Variants in KIF1A observed in about 807,000 individuals in gnomAD.
The protein encoded by KIF1A is kinesin family member 1A, also known as kinesin-like protein KIF1A.
Under a neutral mutation model 227.3 loss-of-function variants are expected in KIF1A, and 46 were observed. The observed-to-expected ratio is 0.20, with a 90% CI of 0.16 to 0.26. The LOEUF is 0.26. KIF1A is among the 10% of genes least tolerant of loss of function. The pLI is 1.00. For missense variants in KIF1A, 1,683 were observed against 2,485.9 expected (o/e 0.68, Z 6.87); for synonymous variants, 1,022 against 1,012.8 (o/e 1.01, Z -0.17).
intron 27 of KIF1A, among the ~76,000 whole-genome samples, chr2:240,755,235 C>T (rs2049702428): frequency 6.6e-6 from 1 of 152,240 alleles, no homozygotes; most frequent in South Asian, 2.1e-4. Context: ...GTGCAGAACA[C>T]AGGAGGCCAG....
rs1039182119 is a variant in KIF1A, at chr2:240,736,585, C to T, written c.4007+478G>A. On this transcript the variant is annotated intron_variant, in intron 38 of 48. Transcript: ENST00000498729. This position sits in a 1 kb window ranked among gnomAD's most constrained non-coding sequence, Gnocchi z 4.7. ...ACCGCCCAGACTGTGGGGTCTTGGC[C>T]GTGCAAGGAGTGTAGGAAGGAGCAG... Among the ~76,000 whole-genome samples, 10 of 152,274 alleles carry T rather than the reference C, an allele frequency of 6.6e-5. No individual in the cohort carries two copies. Among genetic ancestry groups the T allele is most frequent in the African/African-American group, 1.2e-4 (5 of 41,572 alleles).
In KIF1A at chr2:240,758,993, C is replaced by A. The variant is rs2050186127; in HGVS notation, c.2445-496G>T. 6.6e-6 allele frequency among the ~76,000 whole-genome samples: 1 copy of A among 152,146 alleles called. No individual in the cohort carries two copies. Among genetic ancestry groups the A allele is most frequent in the Non-Finnish European group, 1.5e-5 (1 of 68,026 alleles). On this transcript the variant is annotated intron_variant, in intron 25 of 48. Coordinates refer to ENST00000498729, the MANE Select transcript of KIF1A (RefSeq NM_001244008.2). This position sits in a 1 kb window ranked among gnomAD's most constrained non-coding sequence, Gnocchi z 5.2. ...GGACAAAGGAAAAGCAATCATTGTGCCCCTAGATCTCAGGTATAAGAGAAA... is the reference window on the plus strand; with the variant it reads ...GGACAAAGGAAAAGCAATCATTGTGACCCTAGATCTCAGGTATAAGAGAAA...
At chr2:240,774,336 C>A (rs991417751) in intron 11 of KIF1A, 75 bp from the exon 12 acceptor site, 11 of 984,416 alleles carry the variant, frequency 1.1e-5, no homozygotes, top group African/African-American at 1.6e-5. Flanking sequence ...CCCTTCCCCC[C>A]ACATTTACAG....
intron 38 of KIF1A, among the ~76,000 whole-genome samples, chr2:240,728,727 T>C (rs1305024620): frequency 1.3e-5 from 2 of 152,294 alleles, no homozygotes; most frequent in Non-Finnish European, 2.9e-5. Flanking sequence ...TCCTGGAACA[T>C]TGCAGGATCC....
chr2:240,760,211 G>A (rs535015593), intron 25 of KIF1A, among the ~76,000 whole-genome samples: 98 of 152,224 alleles, frequency 6.4e-4, no homozygotes, highest in African/African-American at 2.0e-3. Context: ...TCCACCTCCC[G>A]GCAGCTTCCT....
At position 240,767,310 on chromosome 2, in the gene KIF1A, C is replaced by G. The variant is rs569314062; in HGVS notation, c.1533G>C (p.Leu511=). ...TGTAGTAGAGCAGGCACTCAGACAT[C>G]AGCGGGTCCTCGTTCAGGTTGACGA... ...PHLVNLNEDP[L]MSECLLYYIK... The change falls in exon 18 of 49, where the codon CTG becomes CTC. Residue 511 remains leucine (L), a synonymous_variant. Coordinates refer to ENST00000498729, the MANE Select transcript of KIF1A (RefSeq NM_001244008.2). 40 of 1,613,820 alleles carry G rather than the reference C, an allele frequency of 2.5e-5. 1 individual carries two copies. In the South Asian group the frequency reaches 3.0e-4, roughly 12 times the overall value.
At chr2:240,749,673 T>C (rs759709960) in intron 28 of KIF1A, among the ~76,000 whole-genome samples, 5 of 152,006 alleles carry the variant, frequency 3.3e-5, no homozygotes, top group South Asian at 2.1e-4. Context: ...TCAAGTACCC[T>C]TCAACATTCC....
At chr2:240,769,600 C>G (rs1559512786) in intron 16 of KIF1A, 27 bp downstream of exon 16, 4 of 1,601,108 alleles carry the variant, frequency 2.5e-6, no homozygotes, top group Admixed American at 1.7e-5. Context: ...ACCCCTCCCC[C>G]TGGGCCTCAG....
intron 10 of KIF1A, chr2:240,782,083 C>T: frequency 2.0e-6 from 2 of 985,402 alleles, no homozygotes; most frequent in Non-Finnish European, 2.4e-6. Flanking sequence ...TTCACGGCTG[C>T]CCACGCGGTT....
rs2126091844 is a variant in KIF1A, at chr2:240,788,123, C to T, written c.291G>A (p.Gly97=). ...EGYNVCIFAY[G]QTGAGKSYTM... ...TGTAGGACTTGCCGGCACCCGTCTG[C>T]CCATAGGCGAAGATGCACACGTTGT... is the stretch of plus-strand genomic sequence containing the variant. The change falls in exon 4 of 49, where the codon GGG becomes GGA. Residue 97 remains glycine (G), a synonymous_variant. Coordinates refer to ENST00000498729, the MANE Select transcript of KIF1A (RefSeq NM_001244008.2). The surrounding 1 kb of genome is among the most constrained non-coding windows in gnomAD (Gnocchi z 6.6). The T allele has an allele frequency of 6.2e-6, 10 of 1,610,712 alleles. No individual in the cohort carries two copies. Among genetic ancestry groups the T allele is most frequent in the Non-Finnish European group, 8.5e-6 (10 of 1,178,622 alleles).
In KIF1A at chr2:240,763,110, G is replaced by A; in HGVS notation, c.1950-19C>T. ...CTGGAGCCTGCAAGGGGGCATTGGG[G>A]TGAGCACGGGAGGGCAGGAGGGGCA... On this transcript the variant is annotated intron_variant, in intron 21 of 48. Coordinates refer to ENST00000498729, the MANE Select transcript of KIF1A (RefSeq NM_001244008.2). The A allele has an allele frequency of 6.3e-7, 1 of 1,596,826 alleles. No individual in the cohort carries two copies. Among genetic ancestry groups the A allele is most frequent in the South Asian group, 1.1e-5 (1 of 89,976 alleles).
rs757395188 is a variant in KIF1A, at chr2:240,757,914, C to A, written c.2583-320G>T. 4.6e-5 allele frequency among the ~76,000 whole-genome samples: 7 copies of A among 152,168 alleles called. No homozygotes were observed. Among genetic ancestry groups the A allele is most frequent in the Non-Finnish European group, 8.8e-5 (6 of 68,018 alleles). ...TTGGCCACGTTGAGGCCTCAGAATA[C>A]CACGGTCCCATGGGGTGAAGGGGGC... On this transcript the variant is annotated intron_variant, in intron 26 of 48. Transcript: ENST00000498729. This position sits in a 1 kb window ranked among gnomAD's most constrained non-coding sequence, Gnocchi z 6.2.
At chr2:240,737,559 GAGGGAGGGAGGGAGGA>G (rs1441109411) in intron 37 of KIF1A, 1 of 152,508 alleles carries the variant, frequency 6.6e-6, no homozygotes, top group African/African-American at 2.4e-5. Flanking sequence ...GAAAGGGAGG[GAGGGAGGGAGGGAGGA>G]AGGGAGGGAG....
At chr2:240,743,474 A>G (rs1222080091) in intron 33 of KIF1A, among the ~76,000 whole-genome samples, 2 of 152,178 alleles carry the variant, frequency 1.3e-5, no homozygotes, top group Admixed American at 1.3e-4. Context: ...AGATGGCCTG[A>G]GTGGAAGTCC....
In KIF1A at chr2:240,758,580, TGG is replaced by T; in HGVS notation, c.2445-85_2445-84del. On this transcript the variant is annotated intron_variant, in intron 25 of 48. Transcript: ENST00000498729. This position sits in a 1 kb window ranked among gnomAD's most constrained non-coding sequence, Gnocchi z 5.2. ...GCACACCCTTATCTCCTGGGGACAGTGGGCTCAGCCTAGCTCTGGCCACCACA... is the reference window on the plus strand; with the variant it reads ...GCACACCCTTATCTCCTGGGGACAGTGCTCAGCCTAGCTCTGGCCACCACA... The T allele has an allele frequency of 7.2e-7, 1 of 1,386,330 alleles. No individual in the cohort carries two copies. Among genetic ancestry groups the T allele is most frequent in the Non-Finnish European group, 9.5e-7 (1 of 1,054,950 alleles). The allele number at this position is 1,386,330 out of a possible 1,614,324, so 85.9% of individuals were successfully genotyped here.
chr2:240,756,796 A>G (rs1004349663), intron 27 of KIF1A, among the ~76,000 whole-genome samples: 2 of 152,184 alleles, frequency 1.3e-5, no homozygotes, highest in Non-Finnish European at 2.9e-5. Context: ...AGCAGCCGGG[A>G]GCCTCTGTCT....
At chr2:240,817,543 G>A (rs1048168191) in intron 1 of KIF1A, among the ~76,000 whole-genome samples, 1 of 152,222 alleles carries the variant, frequency 6.6e-6, no homozygotes, top group Non-Finnish European at 1.5e-5. Flanking sequence ...TGATAGATGT[G>A]CACGGATGGT....
intron 37 of KIF1A, among the ~76,000 whole-genome samples, chr2:240,737,785 C>A (rs1317741617): frequency 6.6e-6 from 1 of 152,228 alleles, no homozygotes; most frequent in African/African-American, 2.4e-5. Flanking sequence ...CTAGTAATTT[C>A]TTGGCCAGAC....
chr2:240,783,608 C>A (rs1329509312), intron 8 of KIF1A, 131 bp downstream of exon 8: 6 of 677,800 alleles, frequency 8.9e-6, no homozygotes, highest in Non-Finnish European at 1.2e-5. Context: ...CCAGCCTATG[C>A]CCACCCTCCC....
Sources: gnomAD v4.1 joint callset for allele counts (sites outside exome capture counted in the v4.1 genomes callset) on GRCh38, gnomAD v4.1.1 for gene constraint, Gnocchi (gnomAD v3.1) non-coding constraint, MANE v1.5 for transcripts, NCBI Gene and HGNC (gene_info 2026-07-23, HGNC 2026-07-21) for gene names.